The following TNXB variants were observed in gnomAD, a reference collection of about 807,000 sequenced individuals.
TNXB encodes the protein tenascin XB.
A neutral mutation model predicts 340.5 loss-of-function variants in TNXB; 183 were observed. The ratio of observed to expected loss-of-function variants is 0.54; its 90% CI spans 0.48 to 0.61. TNXB has a LOEUF of 0.61. Among genes scored for constraint, TNXB ranks in the 20% least tolerant of loss-of-function variants. TNXB has a pLI of 0.00. For synonymous variants in TNXB, 2,121 were observed against 2,314.5 expected (o/e 0.92, Z 2.40); for missense variants, 4,613 against 5,446.4 (o/e 0.85, Z 4.82).
In TNXB at chr6:32,084,422, C is replaced by T. The variant is rs1194548088; in HGVS notation, c.3436G>A (p.Ala1146Thr). The T allele has an allele frequency of 6.3e-7, 1 of 1,587,844 alleles. No individual in the cohort carries two copies. The highest frequency in any genetic ancestry group is 1.7e-5 in the Admixed American group (1 of 59,600). ...KKRHGPLVAEAKILPQSDPSP... is the reference protein window; with the variant it reads ...KKRHGPLVAETKILPQSDPSP... Reference sequence around the variant, plus strand: ...TACTGCTGTCACTCACAGATCTTGGCTTCAGCCACCAGCGGACCATGCCTC... The same window carrying T: ...TACTGCTGTCACTCACAGATCTTGGTTTCAGCCACCAGCGGACCATGCCTC... The change falls in exon 8 of 44, where the codon GCC (alanine) becomes ACC (threonine). Residue 1146 changes from alanine to threonine, a missense_variant. By Grantham distance (58) the Ala-to-Thr change is moderately conservative. This residue lies in a region of TNXB where 4,327 missense variants were observed against 4,859.4 expected (regional missense o/e 0.89). Coordinates refer to ENST00000644971, the MANE Select transcript of TNXB (RefSeq NM_001365276.2). This position sits in a 1 kb window ranked among gnomAD's most constrained non-coding sequence, Gnocchi z 5.5.
chr6:32,104,062 G>A (rs1780857944), intron 1 of TNXB, among the ~76,000 whole-genome samples: 1 of 152,042 alleles, frequency 6.6e-6, no homozygotes, highest in African/African-American at 2.4e-5. Flanking sequence ...TATCCACGCT[G>A]ACCAATATGG....
In TNXB at chr6:32,047,641, T is replaced by TA; in HGVS notation, c.10324+92dup. On this transcript the variant is annotated intron_variant, in intron 30 of 43. Transcript: ENST00000644971. This position sits in a 1 kb window ranked among gnomAD's most constrained non-coding sequence, Gnocchi z 6.2. Reference sequence around the variant, plus strand: ...GTTAAGATGGTTGTGTCAGGGCTGATAGAGGGAATCTCACGGGAAGGCTGC... The same window carrying TA: ...GTTAAGATGGTTGTGTCAGGGCTGATAAGAGGGAATCTCACGGGAAGGCTGC... 1 of 1,417,768 alleles carries TA rather than the reference T, an allele frequency of 7.1e-7. No homozygotes were observed. Among genetic ancestry groups the TA allele is most frequent in the Middle Eastern group, 2.1e-4 (1 of 4,740 alleles). 87.8% of individuals were successfully genotyped at this position (1,417,768 alleles called of 1,614,324 possible). A position where few individuals can be genotyped will look rare whatever the true frequency, so the allele number is the denominator to read the frequency against.
chr6:32,061,799 C>T lies in TNXB; in HGVS notation c.7169-79G>A. ...GTCGTGGGGAAAAGGAGGGAGAAGGCTATGACTAGGGGACATATGAAATAG... is the reference window on the plus strand; with the variant it reads ...GTCGTGGGGAAAAGGAGGGAGAAGGTTATGACTAGGGGACATATGAAATAG... On this transcript the variant is annotated intron_variant, in intron 20 of 43. Transcript: ENST00000644971. This position sits in a 1 kb window ranked among gnomAD's most constrained non-coding sequence, Gnocchi z 4.4. The T allele has an allele frequency of 6.5e-7, 1 of 1,543,606 alleles. No homozygotes were observed. The highest frequency in any genetic ancestry group is 8.8e-7 in the Non-Finnish European group (1 of 1,138,080).
chr6:32,050,437 C>T, intron 26 of TNXB, 116 bp from the exon 27 acceptor site: 1 of 1,304,164 alleles, frequency 7.7e-7, no homozygotes, highest in Non-Finnish European at 1.1e-6. Context: ...ACAGCGCCTC[C>T]AGCACAGCTC....
chr6:32,103,219 A>G (rs533108844), intron 1 of TNXB, among the ~76,000 whole-genome samples: 1 of 152,018 alleles, frequency 6.6e-6, no homozygotes, highest in Non-Finnish European at 1.5e-5. Context: ...TCAGGAGTTC[A>G]AAACCAGCCT....
chr6:32,084,493 G>A lies in TNXB; in HGVS notation c.3365C>T (p.Pro1122Leu). 6.2e-7 allele frequency: 1 copy of A among 1,608,688 alleles called. No individual in the cohort carries two copies. Among genetic ancestry groups the A allele is most frequent in the Non-Finnish European group, 8.5e-7 (1 of 1,178,416 alleles). The stretch of plus-strand genomic sequence containing the variant: ...CAGGACAAATTTGTACTTGCGGCCA[G>A]GATCCAGGGAGGTGATGACGGCCGA... ...QRSAVITSLD[P>L]GRKYKFVLYG... is the part of the protein sequence containing the mutation. Residue 1122 changes from proline (P) to leucine (L), a missense_variant, in exon 8 of 44, where the codon CCT (proline) becomes CTT (leucine). This residue lies in a region of TNXB where 4,327 missense variants were observed against 4,859.4 expected (regional missense o/e 0.89). Transcript: ENST00000644971. The surrounding 1 kb of genome is among the most constrained non-coding windows in gnomAD (Gnocchi z 5.5).
Position 32,096,469 on chromosome 6 carries a change from C to T in TNXB, c.1384G>A (p.Gly462Ser), listed in dbSNP as rs1220267330. ...CAGTCCCCAGGACAGCTGCGCACAC[C>T]GCAGTCCTCGCCGCTGTAGCCCGCA... Reference protein sequence around the residue: ...CNAGYSGEDCGVRSCPGDCRG... With the variant: ...CNAGYSGEDCSVRSCPGDCRG... The change falls in exon 3 of 44, where the codon GGT becomes AGT. Residue 462 changes from glycine to serine, a missense_variant. Gly to Ser is a moderately conservative substitution (Grantham distance 56). Transcript: ENST00000644971. The T allele has an allele frequency of 1.3e-6, 2 of 1,599,946 alleles. No individual in the cohort carries two copies. The highest frequency in any genetic ancestry group is 1.7e-6 in the Non-Finnish European group (2 of 1,179,200).
intron 1 of TNXB, among the ~76,000 whole-genome samples, chr6:32,100,084 T>C (rs1780637783): frequency 6.6e-6 from 1 of 151,752 alleles, no homozygotes; most frequent in Non-Finnish European, 1.5e-5. Context: ...AGAAAATTTC[T>C]GACCTTGGAG....
In TNXB at chr6:32,069,805, C is replaced by G. The variant is rs1778649008; in HGVS notation, c.5335G>C (p.Gly1779Arg). The G allele has an allele frequency of 4.3e-6, 7 of 1,609,928 alleles. No homozygotes were observed. Among genetic ancestry groups the G allele is most frequent in the Non-Finnish European group, 5.1e-6 (6 of 1,178,238 alleles). Residue 1779 changes from glycine (G) to arginine (R), a missense_variant, in exon 15 of 44, where the codon GGG becomes CGG. This residue lies in a region of TNXB where 4,327 missense variants were observed against 4,859.4 expected (regional missense o/e 0.89). Coordinates refer to ENST00000644971, the MANE Select transcript of TNXB (RefSeq NM_001365276.2). The surrounding 1 kb of genome is among the most constrained non-coding windows in gnomAD (Gnocchi z 6.2). ...ACGGTGGTCACCTGCAGCTCCTCCCCCAGACGGGGTTTTGGGGGACGCTTT... is the reference window on the plus strand; with the variant it reads ...ACGGTGGTCACCTGCAGCTCCTCCCGCAGACGGGGTTTTGGGGGACGCTTT... ...GTKRPPKPRLGEELQVTTVTQ... is the reference protein window; with the variant it reads ...GTKRPPKPRLREELQVTTVTQ...
At chr6:32,056,206 G>A (rs1325004986) in intron 23 of TNXB, 32 bp from the exon 24 acceptor site, 1 of 1,595,566 alleles carries the variant, frequency 6.3e-7, no homozygotes, top group Non-Finnish European at 8.6e-7. Context: ...AGGATGCCAG[G>A]TGCCTGGGGG....
At position 32,057,055 on chromosome 6, in the gene TNXB, T is replaced by C. The variant is rs6937318; in HGVS notation, c.7826-152A>G. Among the ~76,000 whole-genome samples, 82,477 of 151,384 alleles carry C rather than the reference T, an allele frequency of 0.54. 22,949 individuals are homozygous for C. Among genetic ancestry groups the C allele is most frequent in the South Asian group, 0.72 (3,431 of 4,784 alleles). ...CAGCTCTTCATCCTCTCCTCTCCTG[T>C]GGCCTTTCCTATCCCTCACCCTGAC... is the stretch of plus-strand genomic sequence containing the variant. On this transcript the variant is annotated intron_variant, in intron 22 of 43. Coordinates refer to ENST00000644971, the MANE Select transcript of TNXB (RefSeq NM_001365276.2).
Position 32,067,641 on chromosome 6 carries a change from G to T in TNXB, c.6544+20C>A, listed in dbSNP as rs2151913410. ...ACTTTGCTAAGACCCAACCCAGAGG[G>T]CTCTGCAGTGCACACTCACCCGTGA... On this transcript the variant is annotated intron_variant, in intron 18 of 43. Coordinates refer to ENST00000644971, the MANE Select transcript of TNXB (RefSeq NM_001365276.2). The surrounding 1 kb of genome is among the most constrained non-coding windows in gnomAD (Gnocchi z 4.2). 6.2e-7 allele frequency: 1 copy of T among 1,608,994 alleles called. No homozygotes were observed. Among genetic ancestry groups the T allele is most frequent in the Non-Finnish European group, 8.5e-7 (1 of 1,176,904 alleles).
chr6:32,091,161 A>G (rs888663876), intron 4 of TNXB, among the ~76,000 whole-genome samples: 1 of 152,160 alleles, frequency 6.6e-6, no homozygotes, highest in Non-Finnish European at 1.5e-5. Flanking sequence ...CCCAGGCTGG[A>G]GTGCAATGGC....
chr6:32,105,797 G>A (rs1261358169), intron 1 of TNXB, among the ~76,000 whole-genome samples: 1 of 152,170 alleles, frequency 6.6e-6, no homozygotes, highest in Non-Finnish European at 1.5e-5. Context: ...GTGAACACAT[G>A]CAAACCCTAT....
intron 6 of TNXB, among the ~76,000 whole-genome samples, chr6:32,086,670 T>G (rs763082414): frequency 3.9e-5 from 6 of 152,192 alleles, no homozygotes; most frequent in Non-Finnish European, 5.9e-5. Flanking sequence ...ACATCGTTCC[T>G]GTGGGAGAGA....
At chr6:32,042,649 G>A in intron 39 of TNXB, 43 bp from the exon 40 acceptor site, 2 of 1,429,018 alleles carry the variant, frequency 1.4e-6, no homozygotes, top group Non-Finnish European at 1.9e-6. Context: ...CAAGCCTTAG[G>A]CCCTGGCTGC....
chr6:32,098,003 C>T lies in TNXB; in HGVS notation c.196G>A (p.Gly66Arg). Residue 66 changes from glycine to arginine, a missense_variant, in exon 2 of 44, where the codon GGA becomes AGA. Gly to Arg is a moderately radical substitution (Grantham distance 125). Around this residue, in one of 7 missense-constraint regions of TNXB, gnomAD observed 4,327 missense variants for 4,859.4 expected, o/e 0.89. Transcript: ENST00000644971. ...SSQLYEHTVE[G>R]GEKQVVFTHR... ...GTGAATACCACCTGCTTCTCCCCTC[C>T]TTCCACTGTGTGCTCGTAAAGCTGA... The T allele has an allele frequency of 1.9e-6, 3 of 1,607,496 alleles. No individual in the cohort carries two copies. Among genetic ancestry groups the T allele is most frequent in the Non-Finnish European group, 1.7e-6 (2 of 1,178,140 alleles).
chr6:32,075,784 C>T lies in TNXB; in HGVS notation c.4376-1832G>A, dbSNP rs1010555679. Reference sequence around the variant, plus strand: ...AGGACCTGCAGATCCCCACCACTCCCGCATGAGGAAGCACTCATTAGTGAG... The same window carrying T: ...AGGACCTGCAGATCCCCACCACTCCTGCATGAGGAAGCACTCATTAGTGAG... On this transcript the variant is annotated intron_variant, in intron 11 of 43. Coordinates refer to ENST00000644971, the MANE Select transcript of TNXB (RefSeq NM_001365276.2). The surrounding 1 kb of genome is among the most constrained non-coding windows in gnomAD (Gnocchi z 4.6). Among the ~76,000 whole-genome samples the T allele has an allele frequency of 6.6e-6, 1 of 152,198 alleles. No individual in the cohort carries two copies. The highest frequency in any genetic ancestry group is 1.5e-5 in the Non-Finnish European group (1 of 68,038).
intron 1 of TNXB, among the ~76,000 whole-genome samples, chr6:32,102,902 G>A (rs1780792068): frequency 1.3e-5 from 2 of 151,652 alleles, no homozygotes; most frequent in Admixed American, 1.3e-4. Flanking sequence ...CCTGGCAACA[G>A]ATCAAGACTC....
Sources: allele counts gnomAD v4.1 joint callset (sites outside exome capture counted in the v4.1 genomes callset), GRCh38; gene constraint gnomAD v4.1.1; regional missense constraint gnomAD v4.1.1; non-coding constraint Gnocchi (gnomAD v3.1); transcripts MANE v1.5; gene names NCBI Gene and HGNC (gene_info 2026-07-23, HGNC 2026-07-21).